Variants in DPP6 observed in about 807,000 individuals in gnomAD.
The protein encoded by DPP6 is A-type potassium channel modulatory protein DPP6.
A neutral mutation model predicts 122.6 loss-of-function variants in DPP6; 69 were observed. That is an observed-to-expected ratio of 0.56 (90% CI 0.46 to 0.69). The LOEUF (loss-of-function observed/expected upper bound fraction) is 0.69. DPP6 is among the 30% of genes least tolerant of loss of function. The pLI is 0.00. For synonymous variants in DPP6, 418 were observed against 433.1 expected (o/e 0.97, Z 0.43); for missense variants, 928 against 1,116.9 (o/e 0.83, Z 2.41).
chr7:154,655,192 C>A (rs1837158750), intron 6 of DPP6, among the ~76,000 whole-genome samples: 1 of 152,102 alleles, frequency 6.6e-6, no homozygotes, highest in Admixed American at 6.5e-5. Context: ...TCCAGGAAAG[C>A]AATTGTTAGG....
intron 7 of DPP6, among the ~76,000 whole-genome samples, chr7:154,671,176 A>T (rs1249058685): frequency 1.3e-5 from 2 of 152,186 alleles, no homozygotes; most frequent in Non-Finnish European, 2.9e-5. Flanking sequence ...CTAATAGTTG[A>T]CTTTAAAACC....
the DPP6 span, among the ~76,000 whole-genome samples, chr7:153,851,488 C>T: frequency 7.6e-4 from 115 of 152,274 alleles, no homozygotes; most frequent in Middle Eastern, 3.4e-3. Flanking sequence ...CTAACCTACT[C>T]CATATGCCAA....
chr7:154,635,724 C>T (rs77188329), intron 5 of DPP6, among the ~76,000 whole-genome samples: 10,906 of 152,118 alleles, frequency 0.072, 621 homozygotes, highest in East Asian at 0.33. Flanking sequence ...TGCAGTCATC[C>T]GAAGGCTTGA....
intron 1 of DPP6, among the ~76,000 whole-genome samples, chr7:154,317,990 T>C (rs895411418): frequency 3.9e-5 from 6 of 152,242 alleles, no homozygotes; most frequent in Non-Finnish European, 8.8e-5. Flanking sequence ...ACTGACTTTA[T>C]GTTTTTGATT....
At chr7:154,456,584 A>G (rs904736057) in intron 2 of DPP6, among the ~76,000 whole-genome samples, 10 of 152,150 alleles carry the variant, frequency 6.6e-5, no homozygotes, top group Admixed American at 2.0e-4. Flanking sequence ...CCAAAAAAAA[A>G]GTCCAAGTTG....
chr7:154,331,669 G>A (rs549885086), intron 1 of DPP6, among the ~76,000 whole-genome samples: 10 of 152,246 alleles, frequency 6.6e-5, no homozygotes, highest in African/African-American at 2.2e-4. Flanking sequence ...GCAGCACATG[G>A]GAGCGTGCTG....
At chr7:154,413,901 A>C (rs1816813329) in intron 1 of DPP6, among the ~76,000 whole-genome samples, 1 of 152,216 alleles carries the variant, frequency 6.6e-6, no homozygotes. Flanking sequence ...TATTTTAACA[A>C]TCACAAAATG....
At chr7:153,983,754 G>T (rs1796706972) in intron 1 of DPP6, among the ~76,000 whole-genome samples, 1 of 152,072 alleles carries the variant, frequency 6.6e-6, no homozygotes, top group African/African-American at 2.4e-5. Flanking sequence ...GGATAGCATT[G>T]TCCCTCACGG....
At chr7:154,323,899 T>C (rs1199707954) in intron 1 of DPP6, among the ~76,000 whole-genome samples, 4 of 152,196 alleles carry the variant, frequency 2.6e-5, no homozygotes, top group Non-Finnish European at 5.9e-5. Flanking sequence ...TCTGATGGGT[T>C]TGATATGGAT....
chr7:154,059,739 C>T (rs1470815316), intron 1 of DPP6, among the ~76,000 whole-genome samples: 2 of 151,054 alleles, frequency 1.3e-5, no homozygotes, highest in Admixed American at 6.6e-5. Context: ...AAGCCTTTTC[C>T]ATTGTATGCG....
At chr7:154,247,171 G>C (rs956491205) in intron 1 of DPP6, among the ~76,000 whole-genome samples, 1 of 152,120 alleles carries the variant, frequency 6.6e-6, no homozygotes, top group African/African-American at 2.4e-5. Context: ...AGATGAGCCA[G>C]GAGTGGTGGT....
chr7:154,264,881 G>GTGT (rs756106576), intron 1 of DPP6, among the ~76,000 whole-genome samples: 49 of 145,468 alleles, frequency 3.4e-4, no homozygotes, highest in East Asian at 1.1e-3. Context: ...CCTGATGATG[G>GTGT]TGATAATGGT....
chr7:154,003,706 C>G (rs1797784469), intron 1 of DPP6, among the ~76,000 whole-genome samples: 1 of 151,914 alleles, frequency 6.6e-6, no homozygotes, highest in South Asian at 2.1e-4. Context: ...GGCTTGCTTG[C>G]TTCTGCCTGG....
intron 1 of DPP6, among the ~76,000 whole-genome samples, chr7:154,360,873 A>G (rs1811665117): frequency 6.6e-6 from 1 of 152,188 alleles, no homozygotes; most frequent in African/African-American, 2.4e-5. Flanking sequence ...TGGAATTTTT[A>G]TTGAGCTTGA....
intron 1 of DPP6, among the ~76,000 whole-genome samples, chr7:153,916,871 C>G (rs997990919): frequency 2.6e-5 from 4 of 152,086 alleles, no homozygotes; most frequent in African/African-American, 9.7e-5. Flanking sequence ...GGTGAGTTTT[C>G]TATTCTTATT....
intron 16 of DPP6, among the ~76,000 whole-genome samples, chr7:154,811,700 G>A (rs994054987): frequency 3.3e-5 from 5 of 152,104 alleles, no homozygotes; most frequent in African/African-American, 4.8e-5. Context: ...TTTTCTCCAC[G>A]TTTCTCAGTA....
chr7:154,451,861 C>G lies in DPP6; in HGVS notation c.358+5533C>G, dbSNP rs369382104. ...GTTTGTTTCTCTGGGCTGTGCTGCC[C>G]TGGGATGGGGTGTCCAAGGTTTAGG... On this transcript the variant is annotated intron_variant, in intron 2 of 25. Transcript: ENST00000377770. Among the ~76,000 whole-genome samples the G allele has an allele frequency of 8.5e-5, 13 of 152,326 alleles. No individual in the cohort carries two copies. The East Asian group carries it at 1.4e-3, about 16-fold the overall frequency.
intron 1 of DPP6, among the ~76,000 whole-genome samples, chr7:154,140,542 G>A (rs878886943): frequency 6.6e-6 from 1 of 151,728 alleles, no homozygotes; most frequent in East Asian, 1.9e-4. Context: ...GTTGGTCTCG[G>A]ACTCCTGGAC....
At chr7:153,856,684 A>T in the DPP6 span, among the ~76,000 whole-genome samples, 660 of 152,304 alleles carry the variant, frequency 4.3e-3, 4 homozygotes, top group East Asian at 0.026. Context: ...CCTGCCCCAT[A>T]TCCCATTCTC....
Sources: gnomAD v4.1 joint callset for allele counts (sites outside exome capture counted in the v4.1 genomes callset) on GRCh38, gnomAD v4.1.1 for gene constraint, MANE v1.5 for transcripts, NCBI Gene and HGNC (gene_info 2026-07-23, HGNC 2026-07-21) for gene names.